RANBP3: variants seen among roughly 807,000 people sequenced by gnomAD.
RANBP3 encodes ran-binding protein 3.
In RANBP3, 14 loss-of-function variants were observed where a neutral mutation model predicts 77.3. That is an observed-to-expected ratio of 0.18 (90% CI 0.12 to 0.28). The LOEUF (loss-of-function observed/expected upper bound fraction) is 0.28, where lower values mean the gene tolerates loss of function less well. Among genes scored for constraint, RANBP3 ranks in the 10% least tolerant of loss-of-function variants. The pLI, the probability that RANBP3 is intolerant of heterozygous loss-of-function variation, is 1.00. For missense variants in RANBP3, 586 were observed against 752.3 expected (o/e 0.78, Z 2.59); for synonymous variants, 315 against 312.4 (o/e 1.01, Z -0.09).
At chr19:5,956,351 A>G (rs181442783) in intron 2 of RANBP3, among the ~76,000 whole-genome samples, 2 of 152,310 alleles carry the variant, frequency 1.3e-5, no homozygotes, top group Admixed American at 1.3e-4. Context: ...AACTAGAGAA[A>G]TGCACCAGTC....
chr19:5,936,131 T>C (rs979364420), intron 5 of RANBP3, among the ~76,000 whole-genome samples: 13 of 152,316 alleles, frequency 8.5e-5, no homozygotes, highest in African/African-American at 3.1e-4. Context: ...GGGATGGGAA[T>C]GAGACTGTGT....
At position 5,917,933 on chromosome 19, in the gene RANBP3, G is replaced by A. The variant is rs375429850; in HGVS notation, c.1521C>T (p.Arg507=). The A allele has an allele frequency of 1.9e-6, 3 of 1,612,260 alleles. No homozygotes were observed. In the African/African-American group the frequency reaches 4.0e-5, roughly 22 times the overall value. Residue 507 remains arginine (R), a synonymous_variant, in exon 16 of 17, where the codon CGC becomes CGT. Transcript: ENST00000340578. ...CCACGCGGCTGCGCAGGGCCAGGAT[G>A]CGGTGGTGCAGGGCTGCATACAACT... ...TGQLYAALHH[R]ILALRSRVEQ...
intron 3 of RANBP3, among the ~76,000 whole-genome samples, chr19:5,951,155 T>C (rs998173734): frequency 6.6e-6 from 1 of 152,230 alleles, no homozygotes; most frequent in Non-Finnish European, 1.5e-5. Flanking sequence ...GATTCACCTC[T>C]TGCTGTGGGT....
Position 5,917,672 on chromosome 19 carries a change from C to T in RANBP3, c.1661-19G>A. ...CCAGCACCTGCAGGGAAGCAGCAGC[C>T]CCGCATCAGGATGGAGCCCGCACTT... On this transcript the variant is annotated intron_variant, in intron 16 of 16. Transcript: ENST00000340578. 1 of 1,605,252 alleles carries T rather than the reference C, an allele frequency of 6.2e-7. No individual in the cohort carries two copies.
chr19:5,968,040 AAAG>A (rs1168455300), intron 1 of RANBP3, among the ~76,000 whole-genome samples: 1 of 152,148 alleles, frequency 6.6e-6, no homozygotes, highest in Non-Finnish European at 1.5e-5. Flanking sequence ...AAGAAAGAAA[AAAG>A]AAAAAACTGC....
intron 1 of RANBP3, among the ~76,000 whole-genome samples, chr19:5,973,386 C>A (rs2058552247): frequency 6.6e-6 from 1 of 152,168 alleles, no homozygotes. Flanking sequence ...CGGGGGGACA[C>A]TGGGACGGAG....
intron 3 of RANBP3, among the ~76,000 whole-genome samples, chr19:5,945,180 T>C (rs2058188492): frequency 1.3e-5 from 2 of 152,194 alleles, no homozygotes; most frequent in Non-Finnish European, 2.9e-5. Flanking sequence ...CAAAAGACAC[T>C]GCATCCCAGG....
Position 5,952,706 on chromosome 19 carries a change from T to G in RANBP3, c.79-1110A>C, listed in dbSNP as rs1225019574. The stretch of plus-strand genomic sequence containing the variant: ...TTGGGCACTACTTAAAAAGCAGTGA[T>G]CCGGGAGGAGGAAAGGAGCTACAGA... On this transcript the variant is annotated intron_variant, in intron 2 of 16. Coordinates refer to ENST00000340578, the MANE Select transcript of RANBP3 (RefSeq NM_007322.3). This position sits in a 1 kb window ranked among gnomAD's most constrained non-coding sequence, Gnocchi z 4.1. Among the ~76,000 whole-genome samples, 1 of 152,168 alleles carries G rather than the reference T, an allele frequency of 6.6e-6. No individual in the cohort carries two copies. The highest frequency in any genetic ancestry group is 2.4e-5 in the African/African-American group (1 of 41,418).
intron 8 of RANBP3, 79 bp from the exon 9 acceptor site, chr19:5,928,166 C>G: frequency 2.0e-6 from 3 of 1,523,936 alleles, no homozygotes; most frequent in Admixed American, 1.9e-5. Flanking sequence ...CAATCCCACA[C>G]CAGATCATGT....
intron 1 of RANBP3, among the ~76,000 whole-genome samples, chr19:5,977,663 G>T (rs1301950992): frequency 6.6e-6 from 1 of 152,112 alleles, no homozygotes; most frequent in Non-Finnish European, 1.5e-5. Flanking sequence ...GGCGGAGGAC[G>T]AGGGGGCGGG....
intron 3 of RANBP3, among the ~76,000 whole-genome samples, chr19:5,943,248 G>C (rs1396008086): frequency 2.6e-5 from 4 of 152,204 alleles, no homozygotes; most frequent in Admixed American, 6.5e-5. Flanking sequence ...CGCCTGCCTC[G>C]ACGAGCTGCT....
rs2058366103 is a variant in RANBP3, at chr19:5,958,818, T to C, written c.23-845A>G. 6.6e-6 allele frequency among the ~76,000 whole-genome samples: 1 copy of C among 152,228 alleles called. No individual in the cohort carries two copies. Among genetic ancestry groups the C allele is most frequent in the Non-Finnish European group, 1.5e-5 (1 of 68,028 alleles). ...ACTCTGGGGGTGCTCCCAGGGCCTC[T>C]TTCACCATTCAGGGCACTGAGGGCC... is the stretch of plus-strand genomic sequence containing the variant. On this transcript the variant is annotated intron_variant, in intron 1 of 16. Transcript: ENST00000340578. This position sits in a 1 kb window ranked among gnomAD's most constrained non-coding sequence, Gnocchi z 4.4.
chr19:5,967,673 G>A (rs1165340274), intron 1 of RANBP3, among the ~76,000 whole-genome samples: 1 of 151,948 alleles, frequency 6.6e-6, no homozygotes, highest in Non-Finnish European at 1.5e-5. Flanking sequence ...GGCAGAACTT[G>A]CACTTCTGAA....
intron 1 of RANBP3, among the ~76,000 whole-genome samples, chr19:5,961,305 TG>T (rs1206137037): frequency 2.6e-5 from 4 of 151,740 alleles, no homozygotes; most frequent in Admixed American, 6.6e-5. Context: ...TAGCCGGGCG[TG>T]GTGGCAGGTG....
At chr19:5,945,515 C>G (rs1434024170) in intron 3 of RANBP3, among the ~76,000 whole-genome samples, 1 of 152,142 alleles carries the variant, frequency 6.6e-6, no homozygotes, top group Non-Finnish European at 1.5e-5. Context: ...GGCTGTGTAC[C>G]CCACTGTTTG....
chr19:5,919,595 A>G (rs10421873), intron 14 of RANBP3, among the ~76,000 whole-genome samples: 3,207 of 152,300 alleles, frequency 0.021, 118 homozygotes, highest in African/African-American at 0.072. Flanking sequence ...ACAAAAGGAA[A>G]AACACAAGAA....
rs908444620 is a variant in RANBP3, at chr19:5,952,968, A to G, written c.79-1372T>C. Among the ~76,000 whole-genome samples the G allele has an allele frequency of 3.3e-5, 5 of 152,112 alleles. No individual in the cohort carries two copies. The highest frequency in any genetic ancestry group is 7.4e-5 in the Non-Finnish European group (5 of 68,024). ...CTCACAAGAGAAAAATTAAACCCAG[A>G]GCTCTGTGGGGGACTGCCTATCTCT... On this transcript the variant is annotated intron_variant, in intron 2 of 16. Coordinates refer to ENST00000340578, the MANE Select transcript of RANBP3 (RefSeq NM_007322.3). This position sits in a 1 kb window ranked among gnomAD's most constrained non-coding sequence, Gnocchi z 4.1.
rs1458993452 is a variant in RANBP3, at chr19:5,952,611, G to A, written c.79-1015C>T. 6.6e-6 allele frequency among the ~76,000 whole-genome samples: 1 copy of A among 152,240 alleles called. No individual in the cohort carries two copies. The highest frequency in any genetic ancestry group is 1.5e-5 in the Non-Finnish European group (1 of 68,044). The stretch of plus-strand genomic sequence containing the variant: ...CGGTGACCTACATGACTACAGGGCT[G>A]CCCCGTCTCCCCGTGGACGTGGCTG... On this transcript the variant is annotated intron_variant, in intron 2 of 16. Transcript: ENST00000340578. The surrounding 1 kb of genome is among the most constrained non-coding windows in gnomAD (Gnocchi z 4.1).
chr19:5,958,977 C>T lies in RANBP3; in HGVS notation c.23-1004G>A, dbSNP rs1599781342. Among the ~76,000 whole-genome samples, 1 of 152,210 alleles carries T rather than the reference C, an allele frequency of 6.6e-6. No homozygotes were observed. The highest frequency in any genetic ancestry group is 2.4e-5 in the African/African-American group (1 of 41,456). ...CCTTCGCAGGCCCCCCGACCCCGGT[C>T]GTGGGGAGCCAGGCATTACCCAGGA... On this transcript the variant is annotated intron_variant, in intron 1 of 16. Coordinates refer to ENST00000340578, the MANE Select transcript of RANBP3 (RefSeq NM_007322.3). This position sits in a 1 kb window ranked among gnomAD's most constrained non-coding sequence, Gnocchi z 4.4.
Sources: gnomAD v4.1 joint callset for allele counts (sites outside exome capture counted in the v4.1 genomes callset) on GRCh38, gnomAD v4.1.1 for gene constraint, Gnocchi (gnomAD v3.1) non-coding constraint, MANE v1.5 for transcripts, NCBI Gene and HGNC (gene_info 2026-07-23, HGNC 2026-07-21) for gene names.